MSANTD1: variants seen among roughly 807,000 people sequenced by gnomAD.
MSANTD1 encodes Myb/SANT DNA binding domain containing 1.
MSANTD1 carries 7 observed loss-of-function variants against 24.2 expected under a neutral mutation model. The ratio of observed to expected loss-of-function variants is 0.29; its 90% CI spans 0.16 to 0.54. The LOEUF (loss-of-function observed/expected upper bound fraction) is 0.54, where lower values mean the gene tolerates loss of function less well. Among genes scored for constraint, MSANTD1 ranks in the 20% least tolerant of loss-of-function variants. The probability of loss-of-function intolerance (pLI) is 0.94; values close to 1 mark genes in which losing one functional copy is unlikely to be tolerated. For missense variants in MSANTD1, 384 were observed against 408.2 expected (o/e 0.94, Z 0.51); for synonymous variants, 177 against 181.1 (o/e 0.98, Z 0.18).
chr4:3,253,607 G>A, intron 2 of MSANTD1, 125 bp downstream of exon 2: 5 of 1,047,828 alleles, frequency 4.8e-6, no homozygotes, highest in Non-Finnish European at 6.5e-6. Flanking sequence ...GTGGCTGCGG[G>A]CAGCGCCTCC....
intron 1 of MSANTD1, among the ~76,000 whole-genome samples, chr4:3,252,976 G>C (rs550508774): frequency 6.6e-6 from 1 of 152,344 alleles, no homozygotes; most frequent in South Asian, 2.1e-4. Flanking sequence ...ATACTGGGAC[G>C]TGTGCTTCCT....
At chr4:3,245,092 C>G (rs1320762791), upstream of MSANTD1, 2 of 152,484 alleles carry the variant, frequency 1.3e-5, no homozygotes, top group East Asian at 3.9e-4. Flanking sequence ...CCCCTTCTCC[C>G]TGGTCCAGGT....
upstream of MSANTD1, chr4:3,248,916 C>T (rs1237363935): frequency 9.6e-6 from 3 of 311,736 alleles, no homozygotes; most frequent in Admixed American, 5.0e-5. Flanking sequence ...GCCGGGGCGG[C>T]ACTGAACTGG....
chr4:3,248,197 CTCCGGT>C (rs59194586), upstream of MSANTD1: 61,445 of 151,746 alleles, frequency 0.4, 12,659 homozygotes, highest in Non-Finnish European at 0.42. Flanking sequence ...CAGGCCACCG[CTCCGGT>C]TCCGGTTCCG....
chr4:3,252,856 A>G (rs1722269429), intron 1 of MSANTD1, among the ~76,000 whole-genome samples: 1 of 152,270 alleles, frequency 6.6e-6, no homozygotes, highest in South Asian at 2.1e-4. Context: ...AAAATGAATT[A>G]TTTAAAAAGC....
intron 2 of MSANTD1, among the ~76,000 whole-genome samples, 177 bp from the exon 3 acceptor site, chr4:3,255,548 C>T (rs1036803835): frequency 1.3e-5 from 2 of 152,176 alleles, no homozygotes; most frequent in Non-Finnish European, 2.9e-5. Flanking sequence ...CTGTCAAAGG[C>T]GGTGGGTTCT....
chr4:3,244,889 C>G (rs1398735080), upstream of MSANTD1: 2 of 152,308 alleles, frequency 1.3e-5, no homozygotes, highest in African/African-American at 4.8e-5. Flanking sequence ...TGCGGGGGCC[C>G]CCTTTCTCTG....
At position 3,255,860 on chromosome 4, in the gene MSANTD1, G is replaced by T; in HGVS notation, c.732G>T (p.Val244=). Residue 244 remains valine (V), a synonymous_variant, in exon 3 of 3, where the codon GTG becomes GTT. Coordinates refer to ENST00000438480, the MANE Select transcript of MSANTD1 (RefSeq NM_001042690.2). ...CCGTGGAGGAGACCTGCCGCGAGGT[G>T]CGCCGCGTGCTGGACCAGCAGCACA... The part of the protein sequence containing the change: ...SRAVEETCRE[V]RRVLDQQHIL... The T allele has an allele frequency of 6.5e-7, 1 of 1,545,358 alleles. No homozygotes were observed.
upstream of MSANTD1, among the ~76,000 whole-genome samples, chr4:3,247,098 A>G (rs1382195372): frequency 1.3e-5 from 2 of 152,258 alleles, no homozygotes; most frequent in South Asian, 4.1e-4. Context: ...CGCTGTCCCC[A>G]GCAGCTCCAA....
At chr4:3,246,378 C>T (rs993031151), upstream of MSANTD1, among the ~76,000 whole-genome samples, 1 of 152,232 alleles carries the variant, frequency 6.6e-6, no homozygotes, top group African/African-American at 2.4e-5. Flanking sequence ...TTGGTCAGTC[C>T]CCATGTCCTG....
At chr4:3,254,851 C>T (rs904013948) in intron 2 of MSANTD1, among the ~76,000 whole-genome samples, 7 of 152,230 alleles carry the variant, frequency 4.6e-5, no homozygotes, top group Admixed American at 2.0e-4. Flanking sequence ...TCTAGGCCGC[C>T]GGGAGATAAG....
At chr4:3,244,854 C>T (rs1329811440), upstream of MSANTD1, 1 of 152,340 alleles carries the variant, frequency 6.6e-6, no homozygotes, top group Admixed American at 6.5e-5. Context: ...GGGCCAGCTC[C>T]TGCTGCCTGC....
chr4:3,255,240 T>G (rs1355946281), intron 2 of MSANTD1, among the ~76,000 whole-genome samples: 1 of 151,734 alleles, frequency 6.6e-6, no homozygotes, highest in Non-Finnish European at 1.5e-5. Flanking sequence ...TTTCTTTTTT[T>G]TTTTTTTTGA....
upstream of MSANTD1, among the ~76,000 whole-genome samples, chr4:3,245,717 C>A (rs1722004503): frequency 1.3e-5 from 2 of 152,248 alleles, no homozygotes; most frequent in African/African-American, 4.8e-5. Flanking sequence ...CCAGGCTCTG[C>A]AGCCCCAGCA....
At chr4:3,255,298 A>G (rs1184547030) in intron 2 of MSANTD1, among the ~76,000 whole-genome samples, 1 of 147,132 alleles carries the variant, frequency 6.8e-6, no homozygotes, top group Admixed American at 6.8e-5. Flanking sequence ...ATCTTGGCTC[A>G]CTGCAACCTC....
upstream of MSANTD1, among the ~76,000 whole-genome samples, chr4:3,245,700 G>A (rs377201966): frequency 1.4e-3 from 219 of 152,308 alleles, no homozygotes; most frequent in Middle Eastern, 6.8e-3. Flanking sequence ...CATCGCTTGC[G>A]GGTCCCCCAG....
At chr4:3,246,713 C>A (rs140952430), upstream of MSANTD1, 1 of 682,130 alleles carries the variant, frequency 1.5e-6, no homozygotes, top group Non-Finnish European at 2.7e-6. Context: ...GGGGACCCTC[C>A]CAGGCAGGAG....
At position 3,256,162 on chromosome 4, in the gene MSANTD1, T is replaced by C. The variant is rs1166819372; in HGVS notation, c.*197T>C. The C allele has an allele frequency of 1.0e-5, 6 of 583,948 alleles. No individual in the cohort carries two copies. In the African/African-American group the frequency reaches 1.2e-4, roughly 12 times the overall value. The allele number at this position is 583,948 out of a possible 1,614,324, so 36.2% of individuals were successfully genotyped here. On this transcript the variant is annotated 3_prime_UTR_variant, in exon 3 of 3. Coordinates refer to ENST00000438480, the MANE Select transcript of MSANTD1 (RefSeq NM_001042690.2). ...GGCCCTGGGGACCGTGAGGCTCCAG[T>C]CTCCAGCATGAATGCCCTTCCTCGG...
In MSANTD1 at chr4:3,253,195, C is replaced by T. The variant is rs745672137; in HGVS notation, c.321-12C>T. 18 of 1,528,988 alleles carry T rather than the reference C, an allele frequency of 1.2e-5. No individual in the cohort carries two copies. The highest frequency in any genetic ancestry group is 1.6e-5 in the Non-Finnish European group (18 of 1,130,998). The allele number at this position is 1,528,988 out of a possible 1,614,324, so 94.7% of individuals were successfully genotyped here. A position where few individuals can be genotyped will look rare whatever the true frequency, so the allele number is the denominator to read the frequency against. ...TGTTTCTCACCCTTGGCTCTTGTGT[C>T]TCTCGTTTCAGGAAATTAAAATGCA... On this transcript the variant is annotated splice_polypyrimidine_tract_variant and intron_variant, in intron 1 of 2. Transcript: ENST00000438480.
Sources: allele counts gnomAD v4.1 joint callset (sites outside exome capture counted in the v4.1 genomes callset), GRCh38; gene constraint gnomAD v4.1.1; transcripts MANE v1.5; gene names NCBI Gene and HGNC (gene_info 2026-07-23, HGNC 2026-07-21).